Variants in KIAA1549 observed in about 807,000 individuals in gnomAD.
KIAA1549 encodes KIAA1549.
In KIAA1549, 70 loss-of-function variants were observed where a neutral mutation model predicts 156.4. The ratio of observed to expected loss-of-function variants is 0.45; its 90% CI spans 0.37 to 0.55. The LOEUF (loss-of-function observed/expected upper bound fraction) is 0.55, where lower values mean the gene tolerates loss of function less well. Ranked by LOEUF, KIAA1549 falls within the 20% of genes least tolerant of loss-of-function variation. The probability of loss-of-function intolerance (pLI) is 0.00; values close to 1 mark genes in which losing one functional copy is unlikely to be tolerated. For synonymous variants in KIAA1549, 1,103 were observed against 1,066.4 expected, an observed-to-expected ratio of 1.03 and a Z score of -0.67; for missense variants, 2,428 against 2,540.9, an observed-to-expected ratio of 0.96 and a Z score of 0.96.
chr7:138,903,702 A>G lies in KIAA1549; in HGVS notation c.3555T>C (p.Asn1185=). 1 of 1,605,532 alleles carries G rather than the reference A, an allele frequency of 6.2e-7. No homozygotes were observed. The change falls in exon 8 of 20, where the codon AAT becomes AAC. Residue 1185 remains asparagine (N), a synonymous_variant. Transcript: ENST00000422774. ...GTTCCATCTCGGCTTGAAACACTTC[A>G]TTCTGGAGTTGCTTCTCCATGACGC... ...LLGVMEKQLQ[N]EVFQAEMERK...
chr7:138,966,711 C>T (rs1024909597), intron 1 of KIAA1549, among the ~76,000 whole-genome samples: 19 of 152,112 alleles, frequency 1.2e-4, no homozygotes, highest in Admixed American at 3.3e-4. Flanking sequence ...AAATGTTAAT[C>T]ACCTTTGGCA....
rs1303558355 is a variant in KIAA1549, at chr7:138,918,061, G to A, written c.1565C>T (p.Pro522Leu). 1.2e-6 allele frequency: 2 copies of A among 1,613,156 alleles called. No homozygotes were observed. Reference sequence around the variant, plus strand: ...CACAGAGAGGCGGCCGTGGGCAGGGGGAACCTGTGTGGTTGTAACACTACT... The same window carrying A: ...CACAGAGAGGCGGCCGTGGGCAGGGAGAACCTGTGTGGTTGTAACACTACT... The part of the protein sequence containing the change: ...DMSSVTTTQV[P>L]PAHGRLSVPA... The change falls in exon 2 of 20, where the codon CCC becomes CTC. Residue 522 changes from proline to leucine, a missense_variant. By Grantham distance (98) the Pro-to-Leu change is moderately conservative. This residue lies in a region of KIAA1549 where 893 missense variants were observed against 847.9 expected (regional missense o/e 1.05). Coordinates refer to ENST00000422774, the MANE Select transcript of KIAA1549 (RefSeq NM_001164665.2). This position sits in a 1 kb window ranked among gnomAD's most constrained non-coding sequence, Gnocchi z 4.2.
At chr7:138,900,164 C>T (rs1221328504) in intron 8 of KIAA1549, among the ~76,000 whole-genome samples, 9 of 152,214 alleles carry the variant, frequency 5.9e-5, no homozygotes, top group Admixed American at 3.9e-4. Flanking sequence ...CTGCTGGACC[C>T]CTCCTTCACC....
intron 1 of KIAA1549, among the ~76,000 whole-genome samples, chr7:138,945,463 G>A (rs1197682218): frequency 6.6e-6 from 1 of 152,226 alleles, no homozygotes; most frequent in Non-Finnish European, 1.5e-5. Context: ...GCTGCACTTT[G>A]CAAACCAAGC....
chr7:138,906,341 TTCAACCAATGATGCAGGA>T lies in KIAA1549; in HGVS notation c.3460+560_3460+577del, dbSNP rs1812005115. On this transcript the variant is annotated intron_variant, in intron 6 of 19. Coordinates refer to ENST00000422774, the MANE Select transcript of KIAA1549 (RefSeq NM_001164665.2). ...TATGGGCTATGGATGATGATGCAGG[TTCAACCAATGATGCAGGA>T]TCAACCAATGCAGGTTGATCACTGT... 5.3e-5 allele frequency among the ~76,000 whole-genome samples: 8 copies of T among 152,258 alleles called. No homozygotes were observed. In the South Asian group the frequency reaches 1.7e-3, roughly 32 times the overall value.
At position 138,979,213 on chromosome 7, in the gene KIAA1549, T is replaced by A. The variant is rs76081043; in HGVS notation, c.187+1870A>T. On this transcript the variant is annotated intron_variant, in intron 1 of 19. Transcript: ENST00000422774. Reference sequence around the variant, plus strand: ...GAATGGAAATATTATTAATTTCATGTCTCCAGGTTGAATATTTGTATTGGG... The same window carrying A: ...GAATGGAAATATTATTAATTTCATGACTCCAGGTTGAATATTTGTATTGGG... Among the ~76,000 whole-genome samples, 354 of 152,264 alleles carry A rather than the reference T, an allele frequency of 2.3e-3. 12 individuals are homozygous for A. In the East Asian group the frequency reaches 0.06, roughly 26 times the overall value.
chr7:138,868,479 G>A (rs757675908), intron 14 of KIAA1549, among the ~76,000 whole-genome samples: 1 of 152,168 alleles, frequency 6.6e-6, no homozygotes. Flanking sequence ...CCAGGGTGGA[G>A]TGCAATGGCG....
intron 14 of KIAA1549, among the ~76,000 whole-genome samples, chr7:138,868,676 G>A (rs1045084326): frequency 8.5e-5 from 13 of 152,232 alleles, no homozygotes; most frequent in South Asian, 8.3e-4. Context: ...CTCGTGATCC[G>A]CCTGCCTTGG....
At chr7:138,900,689 G>A (rs1439306244) in intron 8 of KIAA1549, among the ~76,000 whole-genome samples, 1 of 152,140 alleles carries the variant, frequency 6.6e-6, no homozygotes, top group Non-Finnish European at 1.5e-5. Flanking sequence ...CTGTCCTCGA[G>A]GTAATGAGTT....
intron 10 of KIAA1549, among the ~76,000 whole-genome samples, chr7:138,889,603 G>A (rs1811493397): frequency 6.6e-6 from 1 of 152,178 alleles, no homozygotes; most frequent in Admixed American, 6.5e-5. Context: ...CAAACTGACT[G>A]GTTTTTTTCT....
At chr7:138,885,402 A>G (rs1395598762) in intron 10 of KIAA1549, among the ~76,000 whole-genome samples, 2 of 152,296 alleles carry the variant, frequency 1.3e-5, no homozygotes, top group East Asian at 3.9e-4. Context: ...CCCTAGCAGC[A>G]TGACCCATAA....
At chr7:138,949,013 T>C (rs1471414147) in intron 1 of KIAA1549, among the ~76,000 whole-genome samples, 1 of 152,266 alleles carries the variant, frequency 6.6e-6, no homozygotes, top group East Asian at 1.9e-4. Context: ...CCAGGGTTTA[T>C]ACCGTTTTTA....
intron 8 of KIAA1549, among the ~76,000 whole-genome samples, chr7:138,899,594 G>A (rs1309245889): frequency 1.3e-5 from 2 of 152,112 alleles, no homozygotes; most frequent in African/African-American, 4.8e-5. Context: ...CTAGGGCAGG[G>A]CTTCTCAACC....
intron 16 of KIAA1549, among the ~76,000 whole-genome samples, chr7:138,853,058 A>G (rs912107712): frequency 2.6e-5 from 4 of 152,172 alleles, no homozygotes; most frequent in Non-Finnish European, 5.9e-5. Context: ...CCTAATATAC[A>G]TGGGACTCTT....
At chr7:138,871,392 C>T (rs1178948231) in intron 12 of KIAA1549, 30 bp from the exon 13 acceptor site, 9 of 1,481,652 alleles carry the variant, frequency 6.1e-6, no homozygotes, top group East Asian at 4.9e-5. Context: ...AAAACACATA[C>T]ACGAAGTCAT....
At chr7:138,894,640 G>T in intron 9 of KIAA1549, 114 bp from the exon 10 acceptor site, 2 of 948,710 alleles carry the variant, frequency 2.1e-6, no homozygotes, top group South Asian at 1.6e-5. Context: ...CAAGATAGCT[G>T]GTTCCAGGTT....
rs139693767 is a variant in KIAA1549 at position 138,869,367 on chromosome 7, T to C, written c.4775+171A>G. Among the ~76,000 whole-genome samples the C allele has an allele frequency of 7.5e-3, 1,135 of 152,294 alleles. 9 individuals are homozygous for C. The highest frequency in any genetic ancestry group is 0.011 in the Non-Finnish European group (770 of 68,010). ...GTAAGCCTTCCGAGTGGCCTCCACA[T>C]CCTTCTGTGCATGAGCCCCTTCAAC... On this transcript the variant is annotated intron_variant, in intron 14 of 19. Transcript: ENST00000422774.
intron 1 of KIAA1549, among the ~76,000 whole-genome samples, chr7:138,950,623 T>C: frequency 6.6e-6 from 1 of 152,208 alleles, no homozygotes; most frequent in East Asian, 1.9e-4. Context: ...TCACATAAGT[T>C]CGGTTTGCTG....
chr7:138,862,860 G>A (rs1810628269), intron 15 of KIAA1549, among the ~76,000 whole-genome samples: 1 of 152,150 alleles, frequency 6.6e-6, no homozygotes, highest in Admixed American at 6.5e-5. Context: ...AACCCAGGAG[G>A]CAGAGGTTGC....
Sources: allele counts gnomAD v4.1 joint callset (sites outside exome capture counted in the v4.1 genomes callset), GRCh38; gene constraint gnomAD v4.1.1; regional missense constraint gnomAD v4.1.1; non-coding constraint Gnocchi (gnomAD v3.1); transcripts MANE v1.5; gene names NCBI Gene and HGNC (gene_info 2026-07-23, HGNC 2026-07-21).